Variants in KLF13 observed in about 807,000 individuals in gnomAD.
The protein encoded by KLF13 is KLF transcription factor 13, also known as Krueppel-like factor 13.
Under a neutral mutation model 16.7 loss-of-function variants are expected in KLF13, and 8 were observed. That is an observed-to-expected ratio of 0.48 (90% CI 0.28 to 0.87). The LOEUF (loss-of-function observed/expected upper bound fraction) is 0.87, where lower values mean the gene tolerates loss of function less well. Among genes scored for constraint, KLF13 ranks in the 40% least tolerant of loss-of-function variants. KLF13 has a pLI of 0.10. For missense variants in KLF13, 447 were observed against 452.2 expected, an observed-to-expected ratio of 0.99 and a Z score of 0.10; for synonymous variants, 245 against 208.4, an observed-to-expected ratio of 1.18 and a Z score of -1.51.
Position 31,428,820 on chromosome 15 carries a change from A to AAAAAAAAAAAG in KLF13, n.118-6545_118-6544insAAAAAGAAAAA, listed in dbSNP as rs61521558. On this transcript the variant is annotated intron_variant and non_coding_transcript_variant, in intron 1 of 1. Coordinates refer to the KLF13 transcript ENST00000558225. ...TCTATCTCAAAAAAAAAAAAAAAAA[A>AAAAAAAAAAAG]AAAAAGAAAAAGAAAAAGAAATGCC... Among the ~76,000 whole-genome samples, 35 of 72,652 alleles carry AAAAAAAAAAAG rather than the reference A, an allele frequency of 4.8e-4. 1 individual carries two copies. Among genetic ancestry groups the AAAAAAAAAAAG allele is most frequent in the African/African-American group, 5.6e-4 (9 of 16,066 alleles). 47.7% of individuals were successfully genotyped at this position (72,652 alleles called of 152,430 possible).
intron 1 of KLF13, among the ~76,000 whole-genome samples, chr15:31,338,205 T>A (rs1483611833): frequency 6.6e-6 from 1 of 152,242 alleles, no homozygotes; most frequent in Non-Finnish European, 1.5e-5. Context: ...GTTTCCCTGA[T>A]CTTCCTAGTT....
chr15:31,397,088 C>A (rs1566835335), intron 2 of KLF13, among the ~76,000 whole-genome samples: 1 of 152,024 alleles, frequency 6.6e-6, no homozygotes, highest in African/African-American at 2.4e-5. Context: ...ACTTTCCGTC[C>A]TCCAGTCCAG....
At position 31,334,170 on chromosome 15, in the gene KLF13, G is replaced by A. The variant is rs1455753137; in HGVS notation, c.577+6381G>A. Reference sequence around the variant, plus strand: ...GCCTAGGTGCTCCTTTCCCCAAACAGACAAGACACCCTGATTTTCTTTTGA... The same window carrying A: ...GCCTAGGTGCTCCTTTCCCCAAACAAACAAGACACCCTGATTTTCTTTTGA... On this transcript the variant is annotated intron_variant, in intron 1 of 1. Coordinates refer to ENST00000307145, the MANE Select transcript of KLF13 (RefSeq NM_015995.4). Among the ~76,000 whole-genome samples, 48 of 152,220 alleles carry A rather than the reference G, an allele frequency of 3.2e-4. 1 individual carries two copies.
intron 1 of KLF13, among the ~76,000 whole-genome samples, chr15:31,332,502 A>AC (rs1302226672): frequency 4.4e-4 from 66 of 150,952 alleles, no homozygotes; most frequent in African/African-American, 1.5e-3. Flanking sequence ...CGCCATCTCC[A>AC]CTCCCCCCTT....
At chr15:31,342,395 G>A (rs1026953671) in intron 1 of KLF13, among the ~76,000 whole-genome samples, 11 of 152,170 alleles carry the variant, frequency 7.2e-5, no homozygotes, top group Non-Finnish European at 1.3e-4. Context: ...TGGGTGCCCC[G>A]CCTTCCCTCC....
chr15:31,327,115 C>G lies in KLF13; in HGVS notation c.-98C>G. The G allele has an allele frequency of 1.9e-6, 2 of 1,033,304 alleles. No individual in the cohort carries two copies. Among genetic ancestry groups the G allele is most frequent in the Non-Finnish European group, 2.4e-6 (2 of 832,634 alleles). 64.0% of individuals were successfully genotyped at this position (1,033,304 alleles called of 1,614,324 possible). A position where few individuals can be genotyped will look rare whatever the true frequency, so the allele number is the denominator to read the frequency against. On this transcript the variant is annotated 5_prime_UTR_variant, in exon 1 of 2. Coordinates refer to ENST00000307145, the MANE Select transcript of KLF13 (RefSeq NM_015995.4). ...AGCCCAGCCCGAGGAGAGGGCGCGC[C>G]GCGCCCCCGCCCCCCGCCCGCTCTC...
chr15:31,429,695 TTTTATTTATTTATTTATTTATTTATTTA>T (rs201016352), intron 1 of KLF13, among the ~76,000 whole-genome samples: 7 of 137,692 alleles, frequency 5.1e-5, no homozygotes, highest in African/African-American at 1.6e-4. Context: ...AGAAAGATTC[TTTTATTTATTTATTTATTTATTTATTTA>T]TTTATTTATT....
At chr15:31,351,546 C>T (rs1012669298) in intron 1 of KLF13, among the ~76,000 whole-genome samples, 1 of 152,162 alleles carries the variant, frequency 6.6e-6, no homozygotes, top group African/African-American at 2.4e-5. Flanking sequence ...AGCCGTCCAC[C>T]TCATTATTTT....
At chr15:31,424,029 T>C (rs976647117) in intron 1 of KLF13, among the ~76,000 whole-genome samples, 1 of 151,992 alleles carries the variant, frequency 6.6e-6, no homozygotes, top group African/African-American at 2.4e-5. Flanking sequence ...CCTACCAATA[T>C]TGAATCGTGA....
exon 3 of KLF13, chr15:31,403,925 C>G (rs554790309): frequency 6.6e-6 from 1 of 152,206 alleles, no homozygotes; most frequent in Non-Finnish European, 1.5e-5. Flanking sequence ...TAAGGCAGTT[C>G]GTCTGTGGGA....
chr15:31,332,059 GTT>G (rs1221348991), intron 1 of KLF13, among the ~76,000 whole-genome samples: 2 of 151,214 alleles, frequency 1.3e-5, no homozygotes, highest in African/African-American at 4.9e-5. Context: ...CCTTTTTTTT[GTT>G]TTTTCTGCTA....
Position 31,350,313 on chromosome 15 carries a change from T to TG in KLF13, c.578-21696dup, listed in dbSNP as rs144920947. 9.0e-3 allele frequency among the ~76,000 whole-genome samples: 1,364 copies of TG among 152,344 alleles called. 10 individuals are homozygous for TG. Among genetic ancestry groups the TG allele is most frequent in the Non-Finnish European group, 0.014 (939 of 68,030 alleles). ...CCCCCCAGCGTGCAGGGCACCTGGA[T>TG]GCCGACCACATTGGTCCGTTGTTCG... On this transcript the variant is annotated intron_variant, in intron 1 of 1. Transcript: ENST00000307145.
At chr15:31,355,578 CT>C (rs1359809038) in intron 1 of KLF13, among the ~76,000 whole-genome samples, 1 of 152,148 alleles carries the variant, frequency 6.6e-6, no homozygotes, top group Non-Finnish European at 1.5e-5. Context: ...CATAGGGGCT[CT>C]TCTTGATGGT....
Position 31,359,239 on chromosome 15 carries a change from C to G in KLF13, c.578-12771C>G, listed in dbSNP as rs184423056. 2.2e-4 allele frequency among the ~76,000 whole-genome samples: 33 copies of G among 152,328 alleles called. No individual in the cohort carries two copies. In the East Asian group the frequency reaches 4.8e-3, roughly 22 times the overall value. ...GAGAGAAGCTCCAGAGCCCTTGTCT[C>G]AGGTGGCTTCTGGCCTTCTGTTGGC... On this transcript the variant is annotated intron_variant, in intron 1 of 1. Transcript: ENST00000307145.
At chr15:31,327,880 G>A in intron 1 of KLF13, 91 bp downstream of exon 1, 1 of 1,180,506 alleles carries the variant, frequency 8.5e-7, no homozygotes, top group Non-Finnish European at 1.1e-6. Flanking sequence ...TGGGGCGCGA[G>A]GTGGGGGCCG....
chr15:31,408,798 A>G (rs1276598235), downstream of KLF13, among the ~76,000 whole-genome samples: 3 of 152,216 alleles, frequency 2.0e-5, no homozygotes, highest in African/African-American at 7.2e-5. Context: ...ATACAAGATC[A>G]GGTGGATAAT....
intron 1 of KLF13, among the ~76,000 whole-genome samples, chr15:31,411,389 ATTTTTTTTTTC>A (rs796663157): frequency 4.9e-4 from 69 of 141,984 alleles, no homozygotes; most frequent in African/African-American, 1.7e-3. Flanking sequence ...ATACCAACAC[ATTTTTTTTTTC>A]TTTTTTTTTT....
chr15:31,390,302 C>T (rs897215484), upstream of KLF13, among the ~76,000 whole-genome samples: 1 of 152,192 alleles, frequency 6.6e-6, no homozygotes, highest in South Asian at 2.1e-4. Context: ...AATACATCCT[C>T]AAGTAACTAT....
At chr15:31,390,631 G>A (rs760807655), upstream of KLF13, among the ~76,000 whole-genome samples, 4 of 152,094 alleles carry the variant, frequency 2.6e-5, no homozygotes, top group Non-Finnish European at 5.9e-5. Context: ...TGCATTCCAC[G>A]GAGCACTCCA....
Sources: allele counts gnomAD v4.1 joint callset (sites outside exome capture counted in the v4.1 genomes callset), GRCh38; gene constraint gnomAD v4.1.1; transcripts MANE v1.5; gene names NCBI Gene and HGNC (gene_info 2026-07-23, HGNC 2026-07-21).